YPEL5: variants seen among roughly 807,000 people sequenced by gnomAD.
The protein encoded by YPEL5 is yippee like 5.
A neutral mutation model predicts 10.5 loss-of-function variants in YPEL5; 1 was observed. That is an observed-to-expected ratio of 0.10 (90% CI 0.03 to 0.45). The LOEUF (loss-of-function observed/expected upper bound fraction) is 0.45, where lower values mean the gene tolerates loss of function less well. Ranked by LOEUF, YPEL5 falls within the 20% of genes least tolerant of loss-of-function variation. The pLI, the probability that YPEL5 is intolerant of heterozygous loss-of-function variation, is 0.97. For synonymous variants in YPEL5, 61 were observed against 56.6 expected (o/e 1.08, Z -0.35); for missense variants, 68 against 159.3 (o/e 0.43, Z 3.09).
intron 1 of YPEL5, among the ~76,000 whole-genome samples, chr2:30,152,854 T>C (rs1245183400): frequency 1.3e-5 from 2 of 151,684 alleles, no homozygotes; most frequent in African/African-American, 4.8e-5. Flanking sequence ...TCAAGTGTTA[T>C]ATCTTAGTAT....
At chr2:30,152,893 T>TCC (rs1675872365) in intron 1 of YPEL5, among the ~76,000 whole-genome samples, 2 of 19,654 alleles carry the variant, frequency 1.0e-4, no homozygotes, top group East Asian at 0.056. Context: ...GTCCTTTGTT[T>TCC]TTTTTTTTTT....
chr2:30,147,254 G>A (rs1245768620), intron 1 of YPEL5, among the ~76,000 whole-genome samples, 192 bp downstream of exon 1: 1 of 151,912 alleles, frequency 6.6e-6, no homozygotes, highest in East Asian at 1.9e-4. Context: ...CCCCGGCGCT[G>A]GGACCGCGGG....
At chr2:30,154,377 A>C (rs1243856035) in intron 1 of YPEL5, among the ~76,000 whole-genome samples, 3 of 152,230 alleles carry the variant, frequency 2.0e-5, no homozygotes, top group African/African-American at 7.2e-5. Flanking sequence ...AGGACCAAAG[A>C]GGTGAAGTAA....
At chr2:30,157,632 A>G (rs897258670) in intron 2 of YPEL5, among the ~76,000 whole-genome samples, 3 of 152,144 alleles carry the variant, frequency 2.0e-5, no homozygotes, top group Admixed American at 6.5e-5. Context: ...GGATGCCGTG[A>G]TTCTGCCTCC....
rs573423882 is a variant in YPEL5, at chr2:30,153,142, C to T, written c.-24-3486C>T. 3.9e-4 allele frequency among the ~76,000 whole-genome samples: 60 copies of T among 152,248 alleles called. No individual in the cohort carries two copies. In the South Asian group the frequency reaches 6.6e-3, roughly 17 times the overall value. Reference sequence around the variant, plus strand: ...GGTTTCGATCTCCTGACGTCGTGATCCGCCCACCTTGGCCTCCCCAAAGGG... The same window carrying T: ...GGTTTCGATCTCCTGACGTCGTGATTCGCCCACCTTGGCCTCCCCAAAGGG... On this transcript the variant is annotated intron_variant, in intron 1 of 2. Coordinates refer to ENST00000261353, the MANE Select transcript of YPEL5 (RefSeq NM_016061.3).
intron 1 of YPEL5, chr2:30,147,934 G>C (rs1004557216): frequency 6.6e-6 from 1 of 152,402 alleles, no homozygotes; most frequent in African/African-American, 2.4e-5. Flanking sequence ...TGGGCCGGCG[G>C]GGGCGCTCGC....
intron 2 of YPEL5, among the ~76,000 whole-genome samples, chr2:30,157,775 C>T (rs1676107208): frequency 6.6e-6 from 1 of 152,200 alleles, no homozygotes; most frequent in Non-Finnish European, 1.5e-5. Flanking sequence ...CATGTAGAAG[C>T]AGCTTTTCTC....
chr2:30,158,928 G>C lies in YPEL5; in HGVS notation c.*85G>C, dbSNP rs1676159849. On this transcript the variant is annotated 3_prime_UTR_variant, in exon 3 of 3. Coordinates refer to ENST00000261353, the MANE Select transcript of YPEL5 (RefSeq NM_016061.3). ...TACATACACTGTCACCTTAGCATCA[G>C]AGTCGGATTAATGAACTGCGGAACA... is the stretch of plus-strand genomic sequence containing the variant. 7.8e-7 allele frequency: 1 copy of C among 1,281,806 alleles called. No individual in the cohort carries two copies. 79.4% of individuals were successfully genotyped at this position (1,281,806 alleles called of 1,614,324 possible).
At chr2:30,152,442 T>C (rs1675842960) in intron 1 of YPEL5, among the ~76,000 whole-genome samples, 1 of 152,296 alleles carries the variant, frequency 6.6e-6, no homozygotes, top group South Asian at 2.1e-4. Flanking sequence ...CCAAAAGTGA[T>C]TTAGGAAGTC....
rs1675884944 is a variant in YPEL5, at chr2:30,153,107, T to C, written c.-24-3521T>C. On this transcript the variant is annotated intron_variant, in intron 1 of 2. Coordinates refer to ENST00000261353, the MANE Select transcript of YPEL5 (RefSeq NM_016061.3). ...TAGTAGAGACGGGGTTTCACAGTGTTAGCCAGGATGGTTTCGATCTCCTGA... is the reference window on the plus strand; with the variant it reads ...TAGTAGAGACGGGGTTTCACAGTGTCAGCCAGGATGGTTTCGATCTCCTGA... Among the ~76,000 whole-genome samples the C allele has an allele frequency of 2.6e-5, 4 of 152,092 alleles. No homozygotes were observed. In the South Asian group the frequency reaches 8.3e-4, roughly 31 times the overall value.
At chr2:30,147,782 G>A (rs1227430948) in intron 1 of YPEL5, 1 of 152,456 alleles carries the variant, frequency 6.6e-6, no homozygotes, top group Non-Finnish European at 1.5e-5. Flanking sequence ...TCGGGACCAA[G>A]AGAGCCCCCC....
intron 2 of YPEL5, among the ~76,000 whole-genome samples, chr2:30,158,118 A>G (rs529812936): frequency 1.4e-4 from 22 of 152,350 alleles, no homozygotes; most frequent in African/African-American, 5.1e-4. Flanking sequence ...CTTTAAAACT[A>G]TGTACTGCAG....
chr2:30,150,027 G>T (rs139402367), intron 1 of YPEL5, among the ~76,000 whole-genome samples: 93 of 152,296 alleles, frequency 6.1e-4, no homozygotes, highest in African/African-American at 2.0e-3. Context: ...ACTTACCAGG[G>T]TTGAAACCAA....
intron 1 of YPEL5, chr2:30,148,662 G>A (rs1675634424): frequency 6.6e-6 from 1 of 152,212 alleles, no homozygotes; most frequent in African/African-American, 2.4e-5. Flanking sequence ...TAAAATATAT[G>A]TAGCTTGGAA....
Position 30,153,949 on chromosome 2 carries a change from T to C in YPEL5, c.-24-2679T>C, listed in dbSNP as rs72861892. ...AGTAGGAAATGATCACAGTAGTTTT[T>C]AGCCAAGGATAAAATGATGTAGGCA... is the stretch of plus-strand genomic sequence containing the variant. On this transcript the variant is annotated intron_variant, in intron 1 of 2. Coordinates refer to ENST00000261353, the MANE Select transcript of YPEL5 (RefSeq NM_016061.3). Among the ~76,000 whole-genome samples the C allele has an allele frequency of 1.5e-3, 224 of 152,344 alleles. 1 individual carries two copies. The highest frequency in any genetic ancestry group is 5.2e-3 in the African/African-American group (216 of 41,578).
At chr2:30,147,848 C>G (rs1205945926) in intron 1 of YPEL5, 4 of 154,126 alleles carry the variant, frequency 2.6e-5, no homozygotes, top group Non-Finnish European at 5.8e-5. Context: ...GAGGCCCCGC[C>G]GCCACCGCCG....
chr2:30,148,286 T>A (rs910689121), intron 1 of YPEL5: 3 of 152,378 alleles, frequency 2.0e-5, no homozygotes, highest in Non-Finnish European at 2.9e-5. Flanking sequence ...TACGTCGTCT[T>A]GACAGATGGA....
At chr2:30,158,570 C>A in intron 2 of YPEL5, 49 bp from the exon 3 acceptor site, 1 of 1,572,778 alleles carries the variant, frequency 6.4e-7, no homozygotes, top group Non-Finnish European at 8.7e-7. Context: ...ACATACTTGG[C>A]AAATAACTAA....
At chr2:30,148,521 C>T (rs1029980047) in intron 1 of YPEL5, 7 of 152,190 alleles carry the variant, frequency 4.6e-5, no homozygotes, top group African/African-American at 1.7e-4. Context: ...GAAAGTTTAT[C>T]GCATACTTGT....
Sources: allele counts gnomAD v4.1 joint callset (sites outside exome capture counted in the v4.1 genomes callset), GRCh38; gene constraint gnomAD v4.1.1; transcripts MANE v1.5; gene names NCBI Gene and HGNC (gene_info 2026-07-23, HGNC 2026-07-21).